Variants in FGF14 observed in about 807,000 individuals in gnomAD.
FGF14 encodes fibroblast growth factor homologous factor 4.
Under a neutral mutation model 25.5 loss-of-function variants are expected in FGF14, and 5 were observed. The ratio of observed to expected loss-of-function variants is 0.20; its 90% CI spans 0.10 to 0.41. The LOEUF (loss-of-function observed/expected upper bound fraction) is 0.41, where lower values mean the gene tolerates loss of function less well. Ranked by LOEUF, FGF14 falls within the 10% of genes least tolerant of loss-of-function variation. FGF14 has a pLI of 1.00. For missense variants in FGF14, 222 were observed against 320.1 expected, an observed-to-expected ratio of 0.69 and a Z score of 2.34; for synonymous variants, 138 against 118.3, an observed-to-expected ratio of 1.17 and a Z score of -1.08.
chr13:102,082,250 A>C (rs1157175088), intron 1 of FGF14, among the ~76,000 whole-genome samples: 2 of 152,056 alleles, frequency 1.3e-5, no homozygotes, highest in African/African-American at 2.4e-5. Flanking sequence ...AAAAAAAAAA[A>C]AACAGTGTAC....
intron 1 of FGF14, among the ~76,000 whole-genome samples, chr13:101,908,127 A>C (rs1435707563): frequency 6.6e-6 from 1 of 152,166 alleles, no homozygotes; most frequent in Non-Finnish European, 1.5e-5. Context: ...GATCCAGTTA[A>C]GTGAAAATGG....
intron 1 of FGF14, among the ~76,000 whole-genome samples, chr13:101,935,964 TG>T (rs1429265938): frequency 1.3e-5 from 2 of 152,182 alleles, no homozygotes; most frequent in East Asian, 3.9e-4. Flanking sequence ...AATATTTTGG[TG>T]GTTCTATGAC....
At chr13:102,042,857 C>T (rs2140006468) in intron 1 of FGF14, among the ~76,000 whole-genome samples, 1 of 152,296 alleles carries the variant, frequency 6.6e-6, no homozygotes, top group African/African-American at 2.4e-5. Context: ...ATAGTTGGGG[C>T]TGCACAATTC....
chr13:101,927,692 T>C (rs976841543), intron 1 of FGF14, among the ~76,000 whole-genome samples: 2 of 152,140 alleles, frequency 1.3e-5, no homozygotes, highest in South Asian at 2.1e-4. Flanking sequence ...TGAAGGGTCA[T>C]TCTACCCTCG....
At chr13:102,393,479 A>T (rs1177537617) in intron 1 of FGF14, among the ~76,000 whole-genome samples, 1 of 152,262 alleles carries the variant, frequency 6.6e-6, no homozygotes, top group South Asian at 2.1e-4. Context: ...ATCTTTTTCA[A>T]CTTCTTAATT....
intron 1 of FGF14, among the ~76,000 whole-genome samples, chr13:102,058,165 A>C (rs909156462): frequency 2.0e-5 from 3 of 152,248 alleles, no homozygotes; most frequent in African/African-American, 7.2e-5. Flanking sequence ...CAGCCACCAC[A>C]ACATGTCTCC....
At chr13:101,786,158 GATTA>G (rs2039811952) in intron 3 of FGF14, among the ~76,000 whole-genome samples, 1 of 152,126 alleles carries the variant, frequency 6.6e-6, no homozygotes, top group South Asian at 2.1e-4. Flanking sequence ...CCAGCTCACA[GATTA>G]GACCACACCT....
At chr13:102,172,179 A>C (rs556915425) in intron 1 of FGF14, among the ~76,000 whole-genome samples, 1 of 152,128 alleles carries the variant, frequency 6.6e-6, no homozygotes, top group African/African-American at 2.4e-5. Flanking sequence ...CATACCATAA[A>C]ATACTGATAT....
intron 1 of FGF14, among the ~76,000 whole-genome samples, chr13:101,989,561 C>G (rs138654112): frequency 6.6e-6 from 1 of 152,024 alleles, no homozygotes; most frequent in African/African-American, 2.4e-5. Context: ...TACAGCAATT[C>G]TTTTAATAAA....
intron 1 of FGF14, among the ~76,000 whole-genome samples, chr13:102,073,352 G>A (rs1306893789): frequency 2.6e-5 from 4 of 152,190 alleles, no homozygotes; most frequent in East Asian, 3.8e-4. Flanking sequence ...CCCCATGCAC[G>A]CCTATTCCAA....
intron 1 of FGF14, among the ~76,000 whole-genome samples, chr13:102,298,387 T>C (rs2054841470): frequency 6.6e-6 from 1 of 152,146 alleles, no homozygotes; most frequent in Non-Finnish European, 1.5e-5. Flanking sequence ...AAATAAAATG[T>C]TCAAGGCATG....
chr13:101,738,089 C>A (rs1249537044), intron 3 of FGF14, among the ~76,000 whole-genome samples: 1 of 152,012 alleles, frequency 6.6e-6, no homozygotes, highest in East Asian at 1.9e-4. Flanking sequence ...TTCTTGTATA[C>A]TAAATTTGAT....
At chr13:102,050,169 A>G (rs762018452) in intron 1 of FGF14, among the ~76,000 whole-genome samples, 4 of 152,242 alleles carry the variant, frequency 2.6e-5, no homozygotes, top group Non-Finnish European at 5.9e-5. Flanking sequence ...TGGATGATTC[A>G]AATGTGTTAA....
chr13:102,362,232 T>C (rs2057587241), intron 1 of FGF14, among the ~76,000 whole-genome samples: 1 of 152,196 alleles, frequency 6.6e-6, no homozygotes, highest in Non-Finnish European at 1.5e-5. Context: ...GTCACCCTTT[T>C]ACAAATACTT....
intron 1 of FGF14, among the ~76,000 whole-genome samples, chr13:101,890,343 A>G (rs202198287): frequency 6.8e-6 from 1 of 147,686 alleles, no homozygotes; most frequent in African/African-American, 2.5e-5. Context: ...GTCTTACCTG[A>G]AAAAAAAAAC....
chr13:101,954,392 T>C (rs2036377679), intron 1 of FGF14, among the ~76,000 whole-genome samples: 1 of 152,208 alleles, frequency 6.6e-6, no homozygotes, highest in South Asian at 2.1e-4. Flanking sequence ...AAGTTTTATT[T>C]CATTGTAGCA....
At position 102,395,130 on chromosome 13, in the gene FGF14, A is replaced by C. The variant is rs546057023; in HGVS notation, c.208+6341T>G. The C allele has an allele frequency of 2.0e-5, 3 of 152,396 alleles. No homozygotes were observed. In the South Asian group the frequency reaches 6.2e-4, roughly 32 times the overall value. The allele number at this position is 152,396 out of a possible 1,614,324, so 9.4% of individuals were successfully genotyped here. On this transcript the variant is annotated intron_variant, in intron 1 of 4. Transcript: ENST00000376131. ...CTGCTTTTCAAACTGCCAAAGAGCA[A>C]AATACTAAGCGAGAAACTCCGTCCA...
At chr13:102,061,052 G>A (rs931209605) in intron 1 of FGF14, among the ~76,000 whole-genome samples, 5 of 152,180 alleles carry the variant, frequency 3.3e-5, no homozygotes, top group Non-Finnish European at 7.3e-5. Flanking sequence ...CCGGACTCCA[G>A]GAGAAGAACA....
chr13:102,012,673 G>A (rs1003684920), intron 1 of FGF14, among the ~76,000 whole-genome samples: 1 of 152,210 alleles, frequency 6.6e-6, no homozygotes, highest in Non-Finnish European at 1.5e-5. Flanking sequence ...GTGTGGTCAT[G>A]TAATATCTTG....
Sources: gnomAD v4.1 joint callset for allele counts (sites outside exome capture counted in the v4.1 genomes callset) on GRCh38, gnomAD v4.1.1 for gene constraint, MANE v1.5 for transcripts, NCBI Gene and HGNC (gene_info 2026-07-23, HGNC 2026-07-21) for gene names.